Variants in ATAD2B observed in about 807,000 individuals in gnomAD.
ATAD2B encodes the protein ATPase family AAA domain containing 2B.
ATAD2B carries 40 observed loss-of-function variants against 167.6 expected under a neutral mutation model. The ratio of observed to expected loss-of-function variants is 0.24; its 90% CI spans 0.19 to 0.31. ATAD2B has a LOEUF of 0.31. Ranked by LOEUF, ATAD2B falls within the 10% of genes least tolerant of loss-of-function variation. The pLI is 1.00. For synonymous variants in ATAD2B, 579 were observed against 596.5 expected, an observed-to-expected ratio of 0.97 and a Z score of 0.43; for missense variants, 1,242 against 1,757.2, an observed-to-expected ratio of 0.71 and a Z score of 5.24.
chr2:23,717,737 T>G, the ATAD2B span, among the ~76,000 whole-genome samples: 6 of 152,220 alleles, frequency 3.9e-5, no homozygotes, highest in Non-Finnish European at 5.9e-5. Context: ...ATAAAAGCAC[T>G]GCAGAAAGAC....
chr2:23,704,637 T>C, the ATAD2B span, among the ~76,000 whole-genome samples: 4 of 152,100 alleles, frequency 2.6e-5, no homozygotes, highest in African/African-American at 9.7e-5. Flanking sequence ...CGTGGTGGCA[T>C]GTGCCTGTAA....
At chr2:23,816,832 G>A (rs1295123273) in intron 17 of ATAD2B, among the ~76,000 whole-genome samples, 2 of 152,072 alleles carry the variant, frequency 1.3e-5, no homozygotes, top group African/African-American at 2.4e-5. Flanking sequence ...CCATCATAAA[G>A]CTTCTCTACC....
intron 1 of ATAD2B, among the ~76,000 whole-genome samples, chr2:23,905,184 T>G (rs1401827730): frequency 6.6e-6 from 1 of 152,182 alleles, no homozygotes; most frequent in Non-Finnish European, 1.5e-5. Flanking sequence ...CTGAAAATAT[T>G]ACATTATTTA....
At chr2:23,868,084 TA>T in intron 9 of ATAD2B, 138 bp from the exon 10 acceptor site, 2 of 628,664 alleles carry the variant, frequency 3.2e-6, no homozygotes, top group Non-Finnish European at 5.4e-6. Flanking sequence ...AAGGATTTCA[TA>T]CTTTTACTCT....
At chr2:23,909,417 TATATATATACATACATACATAC>T in intron 1 of ATAD2B, among the ~76,000 whole-genome samples, 1 of 150,968 alleles carries the variant, frequency 6.6e-6, no homozygotes. Flanking sequence ...TCCAAATATA[TATATATATACATACATACATAC>T]ATATATATAT....
At chr2:23,873,795 T>C (rs1696367447) in intron 8 of ATAD2B, among the ~76,000 whole-genome samples, 1 of 152,238 alleles carries the variant, frequency 6.6e-6, no homozygotes, top group African/African-American at 2.4e-5. Flanking sequence ...CAACAATGTA[T>C]TGTTAGATCT....
chr2:23,825,811 T>C (rs1259809552), intron 15 of ATAD2B, among the ~76,000 whole-genome samples: 1 of 152,118 alleles, frequency 6.6e-6, no homozygotes, highest in African/African-American at 2.4e-5. Flanking sequence ...AACAAATAAT[T>C]AGCCACTAGA....
chr2:23,690,946 C>T, the ATAD2B span: 1 of 153,182 alleles, frequency 6.5e-6, no homozygotes, highest in Non-Finnish European at 1.5e-5. Flanking sequence ...ACCCCGTGTT[C>T]CATGTGGCAG....
the ATAD2B span, chr2:23,707,987 A>G: frequency 1.3e-5 from 2 of 152,236 alleles, no homozygotes; most frequent in African/African-American, 2.4e-5. Context: ...ATTCCAGGGC[A>G]GGAGAATGCT....
At chr2:23,725,915 C>T in the ATAD2B span, among the ~76,000 whole-genome samples, 2 of 151,842 alleles carry the variant, frequency 1.3e-5, no homozygotes, top group Non-Finnish European at 2.9e-5. Flanking sequence ...GTGCACTGTT[C>T]GTGGGAAAGT....
chr2:23,778,744 T>C (rs1229138513), intron 22 of ATAD2B, among the ~76,000 whole-genome samples: 1 of 152,208 alleles, frequency 6.6e-6, no homozygotes, highest in African/African-American at 2.4e-5. Context: ...CATTTAAGAA[T>C]GTTGTTATCA....
At chr2:23,717,865 A>G in the ATAD2B span, among the ~76,000 whole-genome samples, 1 of 152,256 alleles carries the variant, frequency 6.6e-6, no homozygotes, top group Admixed American at 6.5e-5. Context: ...TCACAAATGA[A>G]GTAAAATAAC....
At chr2:23,807,451 C>A (rs1215602654) in intron 18 of ATAD2B, among the ~76,000 whole-genome samples, 1 of 152,118 alleles carries the variant, frequency 6.6e-6, no homozygotes, top group Non-Finnish European at 1.5e-5. Flanking sequence ...AAATTCTTCG[C>A]TTTTGGTTTA....
At chr2:23,912,007 C>T (rs918583190) in intron 1 of ATAD2B, among the ~76,000 whole-genome samples, 3 of 149,210 alleles carry the variant, frequency 2.0e-5, no homozygotes, top group African/African-American at 7.4e-5. Flanking sequence ...AGAAGATGCA[C>T]AAATTTGACT....
chr2:23,925,817 CCA>C (rs938122446), intron 1 of ATAD2B, among the ~76,000 whole-genome samples: 82 of 152,258 alleles, frequency 5.4e-4, no homozygotes, highest in African/African-American at 1.8e-3. Context: ...ACCCAAGAAA[CCA>C]CACAGTTTTG....
chr2:23,699,885 T>C, the ATAD2B span, among the ~76,000 whole-genome samples: 1 of 152,172 alleles, frequency 6.6e-6, no homozygotes, highest in Non-Finnish European at 1.5e-5. Context: ...ACCTCTCTCT[T>C]CAGAGATCTG....
chr2:23,689,777 G>A, the ATAD2B span: 2 of 152,402 alleles, frequency 1.3e-5, no homozygotes, highest in East Asian at 1.9e-4. Context: ...TGACCAGATG[G>A]CTCTGGGGCC....
chr2:23,915,996 T>G (rs1229998828), intron 1 of ATAD2B, among the ~76,000 whole-genome samples: 1 of 152,240 alleles, frequency 6.6e-6, no homozygotes, highest in Non-Finnish European at 1.5e-5. Context: ...GAGGTTATGA[T>G]CATTCATCAT....
At chr2:23,720,578 CA>C in the ATAD2B span, among the ~76,000 whole-genome samples, 75 of 126,704 alleles carry the variant, frequency 5.9e-4, no homozygotes, top group African/African-American at 1.9e-3. Context: ...GACTCCGTCT[CA>C]AAAAAAAAAA....
Sources: allele counts gnomAD v4.1 joint callset (sites outside exome capture counted in the v4.1 genomes callset), GRCh38; gene constraint gnomAD v4.1.1; transcripts MANE v1.5; gene names NCBI Gene and HGNC (gene_info 2026-07-23, HGNC 2026-07-21).